Variants in SORCS2 observed in about 807,000 individuals in gnomAD.
SORCS2 encodes the protein VPS10 domain-containing receptor SorCS2.
A neutral mutation model predicts 141.6 loss-of-function variants in SORCS2; 100 were observed. The observed-to-expected ratio is 0.71, with a 90% CI of 0.60 to 0.83. SORCS2 has a LOEUF of 0.83. SORCS2 is among the 40% of genes least tolerant of loss of function. The pLI is 0.00. For synonymous variants in SORCS2, 789 were observed against 676.9 expected, an observed-to-expected ratio of 1.17 and a Z score of -2.57; for missense variants, 1,646 against 1,560.2, an observed-to-expected ratio of 1.05 and a Z score of -0.93.
chr4:7,389,639 C>T (rs1408762633), intron 1 of SORCS2, among the ~76,000 whole-genome samples: 1 of 152,180 alleles, frequency 6.6e-6, no homozygotes, highest in Non-Finnish European at 1.5e-5. Flanking sequence ...CAGTTCCTCC[C>T]CTCCTGGGGT....
intron 1 of SORCS2, among the ~76,000 whole-genome samples, chr4:7,221,506 C>T (rs1015382969): frequency 2.0e-5 from 3 of 152,250 alleles, no homozygotes; most frequent in Non-Finnish European, 4.4e-5. Flanking sequence ...GAACTGGGGG[C>T]AGGTTCGGAT....
At chr4:7,275,934 G>A (rs942629305) in intron 1 of SORCS2, among the ~76,000 whole-genome samples, 1 of 152,196 alleles carries the variant, frequency 6.6e-6, no homozygotes, top group Non-Finnish European at 1.5e-5. Flanking sequence ...AAAAAAGAAT[G>A]CAAATGAAGT....
At chr4:7,258,638 TTA>T (rs1199257230) in intron 1 of SORCS2, among the ~76,000 whole-genome samples, 3 of 152,260 alleles carry the variant, frequency 2.0e-5, no homozygotes, top group Admixed American at 6.5e-5. Flanking sequence ...GTAGAATGAT[TTA>T]TAATCCTTTG....
chr4:7,536,833 G>GTCC (rs199566651), intron 3 of SORCS2, among the ~76,000 whole-genome samples: 1 of 21,576 alleles, frequency 4.6e-5, no homozygotes, highest in Non-Finnish European at 4.3e-4. Context: ...ACTCAGATGT[G>GTCC]GGGGGGGGGG....
chr4:7,613,130 T>C (rs1048908615), intron 3 of SORCS2, among the ~76,000 whole-genome samples: 1 of 152,224 alleles, frequency 6.6e-6, no homozygotes, highest in African/African-American at 2.4e-5. Flanking sequence ...GAAGGAGGTG[T>C]CAGCCTTCCA....
At chr4:7,238,255 T>TC (rs1712423025) in intron 1 of SORCS2, among the ~76,000 whole-genome samples, 1 of 151,752 alleles carries the variant, frequency 6.6e-6, no homozygotes, top group Non-Finnish European at 1.5e-5. Context: ...TTTAATTAGA[T>TC]TTAATTAGAA....
intron 2 of SORCS2, among the ~76,000 whole-genome samples, chr4:7,511,508 CAGAGAAAGAGACAGAGCAACAG>C (rs1732651315): frequency 6.6e-6 from 1 of 151,338 alleles, no homozygotes; most frequent in Non-Finnish European, 1.5e-5. Flanking sequence ...GACAGAGAAA[CAGAGAAAGAGACAGAGCAACAG>C]AGAGACAGAG....
At chr4:7,640,438 A>C (rs1267053705) in intron 4 of SORCS2, among the ~76,000 whole-genome samples, 2 of 137,000 alleles carry the variant, frequency 1.5e-5, no homozygotes, top group Non-Finnish European at 3.2e-5. Context: ...GTGTGAGTCT[A>C]CATGAGTGTG....
chr4:7,288,792 G>A lies in SORCS2; in HGVS notation c.480+95666G>A, dbSNP rs933247468. Among the ~76,000 whole-genome samples, 7 of 103,050 alleles carry A rather than the reference G, an allele frequency of 6.8e-5. No individual in the cohort carries two copies. In the East Asian group the frequency reaches 2.2e-3, roughly 33 times the overall value. The allele number at this position is 103,050 out of a possible 152,430, so 67.6% of individuals were successfully genotyped here. On this transcript the variant is annotated intron_variant, in intron 1 of 26. Transcript: ENST00000507866. ...ATCAATACAGGAATTCATGTGGGGT[G>A]GGGGGGGGAGTTGGGGAGGGCACAG...
chr4:7,732,666 G>T (rs1711798654), intron 23 of SORCS2, among the ~76,000 whole-genome samples: 1 of 152,016 alleles, frequency 6.6e-6, no homozygotes, highest in African/African-American at 2.4e-5. Flanking sequence ...GGCCTTCCCT[G>T]ACCACCACTG....
At chr4:7,703,911 A>G (rs1343456065) in intron 13 of SORCS2, among the ~76,000 whole-genome samples, 1 of 152,250 alleles carries the variant, frequency 6.6e-6, no homozygotes, top group Non-Finnish European at 1.5e-5. Context: ...GGCCAAGCTC[A>G]GGCCATGGGT....
intron 15 of SORCS2, 123 bp from the exon 16 acceptor site, chr4:7,714,117 G>A (rs961318075): frequency 6.5e-6 from 9 of 1,392,240 alleles, no homozygotes; most frequent in African/African-American, 1.4e-5. Context: ...ATGGGCCTCA[G>A]TTTCCCCATC....
chr4:7,645,151 C>T (rs1720990151), intron 4 of SORCS2, among the ~76,000 whole-genome samples: 1 of 152,184 alleles, frequency 6.6e-6, no homozygotes, highest in Non-Finnish European at 1.5e-5. Context: ...TTTTAGGCAT[C>T]TATTGACTGT....
chr4:7,227,455 C>T (rs1469629589), intron 1 of SORCS2, among the ~76,000 whole-genome samples: 1 of 152,228 alleles, frequency 6.6e-6, no homozygotes, highest in Non-Finnish European at 1.5e-5. Flanking sequence ...GCCCTCATCA[C>T]GTCCTCCACA....
intron 3 of SORCS2, among the ~76,000 whole-genome samples, chr4:7,570,988 C>T (rs1387505698): frequency 6.6e-6 from 1 of 152,202 alleles, no homozygotes; most frequent in East Asian, 1.9e-4. Context: ...TTCAGAGGCG[C>T]AGCCACTCTC....
intron 2 of SORCS2, among the ~76,000 whole-genome samples, chr4:7,482,120 C>T (rs1730679543): frequency 2.2e-5 from 1 of 45,332 alleles, no homozygotes; most frequent in Non-Finnish European, 4.2e-5. Context: ...GCGGACACCC[C>T]TGACGCTGTT....
At chr4:7,261,385 GC>G (rs1291850500) in intron 1 of SORCS2, among the ~76,000 whole-genome samples, 2 of 152,214 alleles carry the variant, frequency 1.3e-5, no homozygotes, top group African/African-American at 4.8e-5. Flanking sequence ...AGACGGTGTT[GC>G]TTCATTAGTA....
At chr4:7,217,734 A>C (rs190148749) in intron 1 of SORCS2, among the ~76,000 whole-genome samples, 1 of 152,320 alleles carries the variant, frequency 6.6e-6, no homozygotes, top group East Asian at 1.9e-4. Context: ...ACGCACACAC[A>C]AAGAGGAAAA....
intron 1 of SORCS2, among the ~76,000 whole-genome samples, chr4:7,383,581 C>T (rs1399355068): frequency 6.6e-6 from 1 of 152,218 alleles, no homozygotes; most frequent in Non-Finnish European, 1.5e-5. Flanking sequence ...TTTCCACCCA[C>T]CTCCCGGAGA....
Sources: allele counts gnomAD v4.1 joint callset (sites outside exome capture counted in the v4.1 genomes callset), GRCh38; gene constraint gnomAD v4.1.1; transcripts MANE v1.5; gene names NCBI Gene and HGNC (gene_info 2026-07-23, HGNC 2026-07-21).